The following DOCK10 variants were observed in gnomAD, a reference collection of about 807,000 sequenced individuals.
The protein encoded by DOCK10 is dedicator of cytokinesis protein 10.
Under a neutral mutation model 280.1 loss-of-function variants are expected in DOCK10, and 145 were observed. The observed-to-expected ratio is 0.52, with a 90% confidence interval of 0.45 to 0.59. The LOEUF is 0.59. Ranked by LOEUF, DOCK10 falls within the 20% of genes least tolerant of loss-of-function variation. The probability of loss-of-function intolerance (pLI) is 0.00; values close to 1 mark genes in which losing one functional copy is unlikely to be tolerated. For missense variants in DOCK10, 2,368 were observed against 2,651.7 expected, an observed-to-expected ratio of 0.89 and a Z score of 2.35; for synonymous variants, 915 against 942.2, an observed-to-expected ratio of 0.97 and a Z score of 0.53.
intron 2 of DOCK10, among the ~76,000 whole-genome samples, chr2:224,930,199 G>GT (rs1256312649): frequency 6.1e-5 from 6 of 97,568 alleles, no homozygotes; most frequent in African/African-American, 2.0e-4. Flanking sequence ...GTGACACTCG[G>GT]TAAAAAAAAA....
At chr2:224,892,136 G>A (rs958458953) in intron 4 of DOCK10, among the ~76,000 whole-genome samples, 2 of 151,926 alleles carry the variant, frequency 1.3e-5, no homozygotes, top group African/African-American at 4.8e-5. Context: ...GCAGCTCACG[G>A]CTGTAATCCC....
At chr2:225,002,999 C>T (rs1706480095) in intron 1 of DOCK10, among the ~76,000 whole-genome samples, 1 of 152,056 alleles carries the variant, frequency 6.6e-6, no homozygotes, top group South Asian at 2.1e-4. Flanking sequence ...GTGACAAATT[C>T]CATCTCTATT....
At chr2:224,803,875 T>C (rs1693182019) in intron 39 of DOCK10, among the ~76,000 whole-genome samples, 4 of 152,106 alleles carry the variant, frequency 2.6e-5, no homozygotes, top group African/African-American at 4.8e-5. Flanking sequence ...ACATATATGG[T>C]GTACTCCTTA....
At chr2:225,021,948 A>G (rs1301735330) in intron 1 of DOCK10, among the ~76,000 whole-genome samples, 1 of 152,198 alleles carries the variant, frequency 6.6e-6, no homozygotes, top group African/African-American at 2.4e-5. Flanking sequence ...AAGGTGATAA[A>G]TATTTTCACT....
Position 224,808,073 on chromosome 2 carries a change from A to G in DOCK10, c.3423T>C (p.Tyr1141=). The change falls in exon 32 of 56, where the codon TAT becomes TAC. Residue 1141 remains tyrosine, a synonymous_variant. Coordinates refer to ENST00000258390, the MANE Select transcript of DOCK10 (RefSeq NM_014689.3). ...QELHASDMPE[Y]SVTNEFCRKH... ...TGCGACAAAATTCATTTGTGACTGA[A>G]TATTCAGGCATATCTTTGTGAGGAA... 1.2e-6 allele frequency: 2 copies of G among 1,611,350 alleles called. No individual in the cohort carries two copies. Among genetic ancestry groups the G allele is most frequent in the Non-Finnish European group, 1.7e-6 (2 of 1,178,494 alleles).
intron 3 of DOCK10, among the ~76,000 whole-genome samples, chr2:224,913,993 T>C (rs1193628350): frequency 6.6e-6 from 1 of 152,210 alleles, no homozygotes; most frequent in Non-Finnish European, 1.5e-5. Flanking sequence ...TGCCTTGGCC[T>C]CCCAAAGTGC....
intron 1 of DOCK10, among the ~76,000 whole-genome samples, chr2:225,023,369 T>C (rs1689832806): frequency 6.6e-6 from 1 of 152,200 alleles, no homozygotes; most frequent in Non-Finnish European, 1.5e-5. Flanking sequence ...TCATTCATTT[T>C]TGACACATTT....
intron 3 of DOCK10, among the ~76,000 whole-genome samples, chr2:224,906,756 G>A (rs1700670328): frequency 6.6e-6 from 1 of 152,234 alleles, no homozygotes; most frequent in Non-Finnish European, 1.5e-5. Flanking sequence ...TGGGATTACA[G>A]GCGTCAGTCA....
chr2:224,997,734 A>G (rs1706314870), intron 1 of DOCK10, among the ~76,000 whole-genome samples: 1 of 152,146 alleles, frequency 6.6e-6, no homozygotes, highest in Non-Finnish European at 1.5e-5. Flanking sequence ...AGGAATGGTG[A>G]GCACAAAATT....
chr2:224,921,137 T>TATATATATATATATATATATATA, intron 2 of DOCK10, among the ~76,000 whole-genome samples: 3 of 94,206 alleles, frequency 3.2e-5, no homozygotes, highest in Non-Finnish European at 5.8e-5. Flanking sequence ...ATATATATAA[T>TATATATATATATATATATATATA]GTATATACAC....
intron 53 of DOCK10, among the ~76,000 whole-genome samples, chr2:224,771,932 A>G (rs12694645): frequency 8.3e-6 from 1 of 120,010 alleles, no homozygotes; most frequent in South Asian, 2.6e-4. Flanking sequence ...TTTTTTTTTT[A>G]TTTTTTGAGA....
intron 43 of DOCK10, 52 bp downstream of exon 43, chr2:224,796,912 A>G: frequency 1.3e-6 from 2 of 1,553,698 alleles, no homozygotes; most frequent in South Asian, 2.4e-5. Flanking sequence ...AGCACTGCTG[A>G]AACAGATCAG....
chr2:224,954,203 C>G (rs929810005), intron 1 of DOCK10, among the ~76,000 whole-genome samples: 1 of 152,040 alleles, frequency 6.6e-6, no homozygotes, highest in Non-Finnish European at 1.5e-5. Flanking sequence ...GTAAGAAATT[C>G]ATTTCTTACA....
At chr2:224,945,780 T>C (rs145589363) in intron 1 of DOCK10, among the ~76,000 whole-genome samples, 56 of 152,268 alleles carry the variant, frequency 3.7e-4, no homozygotes, top group Non-Finnish European at 6.8e-4. Flanking sequence ...GTGGTTTTCA[T>C]ATGGGTGATC....
At chr2:224,947,732 A>T (rs1033134432) in intron 1 of DOCK10, among the ~76,000 whole-genome samples, 9 of 151,748 alleles carry the variant, frequency 5.9e-5, no homozygotes, top group Non-Finnish European at 7.4e-5. Context: ...TCCTGTTTTG[A>T]TTTTCTCCAT....
intron 1 of DOCK10, among the ~76,000 whole-genome samples, chr2:225,013,808 T>C (rs1057253926): frequency 6.6e-6 from 1 of 152,140 alleles, no homozygotes; most frequent in African/African-American, 2.4e-5. Context: ...TGCAAGGCTA[T>C]TGGCAGTGTC....
chr2:224,950,947 T>C (rs1703692638), intron 1 of DOCK10, among the ~76,000 whole-genome samples: 1 of 152,200 alleles, frequency 6.6e-6, no homozygotes, highest in African/African-American at 2.4e-5. Context: ...CTCAATGTCC[T>C]GGACAGGTGA....
In DOCK10 at chr2:224,787,145, T is replaced by C. The variant is rs1306946531; in HGVS notation, c.5542-10A>G. 2 of 1,611,818 alleles carry C rather than the reference T, an allele frequency of 1.2e-6. No homozygotes were observed. Among genetic ancestry groups the C allele is most frequent in the Non-Finnish European group, 1.7e-6 (2 of 1,177,890 alleles). ...AGAGATCTGACAATTTCTGAAACCA[T>C]AAGTGAAAGAGTTTCATGAAGATGA... is the stretch of plus-strand genomic sequence containing the variant. On this transcript the variant is annotated splice_polypyrimidine_tract_variant and intron_variant, in intron 49 of 55. Transcript: ENST00000258390.
At chr2:224,866,025 C>T (rs1219357156) in intron 11 of DOCK10, among the ~76,000 whole-genome samples, 1 of 152,194 alleles carries the variant, frequency 6.6e-6, no homozygotes, top group Non-Finnish European at 1.5e-5. Context: ...AGGACACTTA[C>T]CTGCCTAATC....
Sources: gnomAD v4.1 joint callset for allele counts (sites outside exome capture counted in the v4.1 genomes callset) on GRCh38, gnomAD v4.1.1 for gene constraint, MANE v1.5 for transcripts, NCBI Gene and HGNC (gene_info 2026-07-23, HGNC 2026-07-21) for gene names.